Variants in CACNA1A observed in about 807,000 individuals in gnomAD.
CACNA1A encodes the protein calcium voltage-gated channel subunit alpha1 A, also known as voltage-dependent P/Q-type calcium channel subunit alpha-1A.
A neutral mutation model predicts 262.4 loss-of-function variants in CACNA1A; 57 were observed. The ratio of observed to expected loss-of-function variants is 0.22; its 90% CI spans 0.18 to 0.27. The LOEUF is 0.27. Ranked by LOEUF, CACNA1A falls within the 10% of genes least tolerant of loss-of-function variation. The pLI, the probability that CACNA1A is intolerant of heterozygous loss-of-function variation, is 1.00. For synonymous variants in CACNA1A, 1,431 were observed against 1,419.3 expected (o/e 1.01, Z -0.18); for missense variants, 2,526 against 3,562.8 (o/e 0.71, Z 7.41).
intron 3 of CACNA1A, among the ~76,000 whole-genome samples, chr19:13,433,479 A>AAAAAAAAAAAAAAAAAAAAAAAAAAC (rs2060556801): frequency 7.8e-6 from 1 of 128,002 alleles, no homozygotes; most frequent in Non-Finnish European, 1.7e-5. Flanking sequence ...AAAAAAAAAA[A>AAAAAAAAAAAAAAAAAAAAAAAAAAC]AAAAGTCAGC....
chr19:13,249,480 T>G (rs1403031674), intron 30 of CACNA1A, among the ~76,000 whole-genome samples: 1 of 151,982 alleles, frequency 6.6e-6, no homozygotes, highest in Non-Finnish European at 1.5e-5. Context: ...CTCAGCCTCC[T>G]AAGTAGATGG....
chr19:13,312,790 G>A lies in CACNA1A; in HGVS notation c.1556-9C>T. 1 of 1,435,596 alleles carries A rather than the reference G, an allele frequency of 7.0e-7. No homozygotes were observed. Among genetic ancestry groups the A allele is most frequent in the Non-Finnish European group, 9.5e-7 (1 of 1,050,410 alleles). 88.9% of individuals were successfully genotyped at this position (1,435,596 alleles called of 1,614,324 possible). On this transcript the variant is annotated splice_polypyrimidine_tract_variant and intron_variant, in intron 11 of 46. Transcript: ENST00000360228. ...AATGAATTCTGCATAGTCTAGAAGG[G>A]AGAAGGAGGAAACAGAGAGGAGGTT... is the stretch of plus-strand genomic sequence containing the variant.
chr19:13,342,815 A>C (rs1355724091), intron 6 of CACNA1A, among the ~76,000 whole-genome samples: 1 of 152,214 alleles, frequency 6.6e-6, no homozygotes, highest in African/African-American at 2.4e-5. Context: ...CCTGCACTGG[A>C]CATGTAGCAT....
intron 22 of CACNA1A, among the ~76,000 whole-genome samples, chr19:13,282,690 G>C (rs4926256): frequency 0.4 from 60,081 of 151,256 alleles, 12,551 homozygotes; most frequent in East Asian, 0.6. Flanking sequence ...ATGCCTGGGC[G>C]GGGGGTTGGG....
At chr19:13,468,777 ACT>A (rs569477635) in intron 1 of CACNA1A, among the ~76,000 whole-genome samples, 2 of 152,010 alleles carry the variant, frequency 1.3e-5, no homozygotes, top group South Asian at 4.2e-4. Flanking sequence ...ACAGAGCAAG[ACT>A]CTGTCTCAAA....
intron 35 of CACNA1A, 127 bp from the exon 36 acceptor site, chr19:13,230,336 G>A (rs1298449061): frequency 2.2e-6 from 2 of 913,036 alleles, no homozygotes; most frequent in East Asian, 2.6e-5. Flanking sequence ...AGGCCCAGAT[G>A]GAGAGAGGGA....
chr19:13,410,634 G>A (rs1016846161), intron 3 of CACNA1A, among the ~76,000 whole-genome samples: 1 of 147,920 alleles, frequency 6.8e-6, no homozygotes, highest in African/African-American at 2.5e-5. Flanking sequence ...ACCCTTCACA[G>A]CAGAACTCTT....
At chr19:13,355,871 C>G (rs565158976) in intron 6 of CACNA1A, among the ~76,000 whole-genome samples, 21 of 152,214 alleles carry the variant, frequency 1.4e-4, no homozygotes, top group Middle Eastern at 3.4e-3. Flanking sequence ...TGGCCTTTAC[C>G]CACTTGATGC....
At chr19:13,326,204 T>C (rs2058359352) in intron 10 of CACNA1A, among the ~76,000 whole-genome samples, 1 of 151,654 alleles carries the variant, frequency 6.6e-6, no homozygotes, top group Non-Finnish European at 1.5e-5. Context: ...TAGTCCCAGC[T>C]ACTTGGAGGC....
chr19:13,210,721 A>C (rs1325962148), intron 43 of CACNA1A, 69 bp from the exon 44 acceptor site: 5 of 1,472,074 alleles, frequency 3.4e-6, no homozygotes, highest in Non-Finnish European at 4.6e-6. Context: ...AAAAGGCAAG[A>C]GGGAGAGTGA....
At chr19:13,244,454 A>C (rs1419032213) in intron 31 of CACNA1A, 1 of 152,202 alleles carries the variant, frequency 6.6e-6, no homozygotes, top group Non-Finnish European at 1.5e-5. Context: ...CTTGGCTTTG[A>C]CACCCTTTTT....
chr19:13,231,160 C>G (rs1026150707), intron 35 of CACNA1A, among the ~76,000 whole-genome samples: 2 of 150,158 alleles, frequency 1.3e-5, no homozygotes, highest in African/African-American at 4.9e-5. Context: ...CACAGCACCA[C>G]GTGTGCAGCT....
At position 13,212,786 on chromosome 19, in the gene CACNA1A, T is replaced by C; in HGVS notation, c.5941-46A>G. ...CAGTGTGTGGACAAGGGTGGGGTGG[T>C]GGGACGGTGGTACCCAGAAGGCATT... On this transcript the variant is annotated intron_variant, in intron 40 of 46. Coordinates refer to ENST00000360228, the MANE Select transcript of CACNA1A (RefSeq NM_001127222.2). The surrounding 1 kb of genome is among the most constrained non-coding windows in gnomAD (Gnocchi z 5.6). The C allele has an allele frequency of 1.1e-6, 1 of 950,534 alleles. No individual in the cohort carries two copies. 58.9% of individuals were successfully genotyped at this position (950,534 alleles called of 1,614,324 possible).
chr19:13,380,022 A>G (rs1208602327), intron 3 of CACNA1A, among the ~76,000 whole-genome samples: 1 of 139,030 alleles, frequency 7.2e-6, no homozygotes, highest in Non-Finnish European at 1.5e-5. Context: ...GCGGTGGCTC[A>G]TGCCTGTAAT....
rs1600224597 is a variant in CACNA1A at position 13,275,840 on chromosome 19, G to A, written c.3989+10C>T. On this transcript the variant is annotated intron_variant, in intron 24 of 46. Transcript: ENST00000360228. ...AAAGAGGCAAGAGGAACCCTTGCGA[G>A]GAGACTTACGTGAAGGCAAAGGCTA... 1 of 1,582,902 alleles carries A rather than the reference G, an allele frequency of 6.3e-7. No individual in the cohort carries two copies. Among genetic ancestry groups the A allele is most frequent in the South Asian group, 1.1e-5 (1 of 90,400 alleles).
At chr19:13,433,991 C>A (rs568386130) in intron 3 of CACNA1A, among the ~76,000 whole-genome samples, 1 of 152,308 alleles carries the variant, frequency 6.6e-6, no homozygotes, top group South Asian at 2.1e-4. Flanking sequence ...AACCCCAATT[C>A]CACCACTTCC....
In CACNA1A at chr19:13,285,037, C is replaced by A. The variant is rs111602970; in HGVS notation, c.3692+31G>T. The A allele has an allele frequency of 6.0e-4, 963 of 1,612,182 alleles. 6 individuals carry two copies. In the African/African-American group the frequency reaches 9.8e-3, roughly 16 times the overall value. ...CGCCACCCTGGTGGGAGCCCCAGGC[C>A]CCCCCTGCCCTTGCTGGGGGCCATA... On this transcript the variant is annotated intron_variant, in intron 21 of 46. Transcript: ENST00000360228.
intron 1 of CACNA1A, among the ~76,000 whole-genome samples, chr19:13,491,917 C>T (rs1427399515): frequency 1.3e-5 from 2 of 152,062 alleles, no homozygotes; most frequent in Non-Finnish European, 2.9e-5. Flanking sequence ...GGGAGGAGGC[C>T]GATACCTATA....
At chr19:13,302,598 C>T (rs923517222) in intron 17 of CACNA1A, among the ~76,000 whole-genome samples, 2 of 152,208 alleles carry the variant, frequency 1.3e-5, no homozygotes, top group African/African-American at 2.4e-5. Flanking sequence ...AGGAGATAAA[C>T]GAACTGGCCT....
Sources: gnomAD v4.1 joint callset for allele counts (sites outside exome capture counted in the v4.1 genomes callset) on GRCh38, gnomAD v4.1.1 for gene constraint, Gnocchi (gnomAD v3.1) non-coding constraint, MANE v1.5 for transcripts, NCBI Gene and HGNC (gene_info 2026-07-23, HGNC 2026-07-21) for gene names.